Variants in NEDD1 observed in about 807,000 individuals in gnomAD.
NEDD1 encodes the protein protein NEDD1.
A neutral mutation model predicts 74.0 loss-of-function variants in NEDD1; 33 were observed. The ratio of observed to expected loss-of-function variants is 0.45; its 90% confidence interval spans 0.34 to 0.60. The LOEUF (loss-of-function observed/expected upper bound fraction) is 0.60. NEDD1 is among the 20% of genes least tolerant of loss of function. The probability of loss-of-function intolerance (pLI) is 0.01; values close to 1 mark genes in which losing one functional copy is unlikely to be tolerated. For missense variants in NEDD1, 746 were observed against 776.5 expected, an observed-to-expected ratio of 0.96 and a Z score of 0.47; for synonymous variants, 250 against 264.4, an observed-to-expected ratio of 0.95 and a Z score of 0.53.
chr12:96,917,525 A>T, intron 4 of NEDD1, 96 bp from the exon 5 acceptor site: 1 of 1,313,278 alleles, frequency 7.6e-7, no homozygotes. Context: ...AATTTAACCA[A>T]TATTTATCAT....
intron 14 of NEDD1, 43 bp from the exon 15 acceptor site, chr12:96,951,389 T>A: frequency 8.7e-7 from 1 of 1,150,246 alleles, no homozygotes; most frequent in Non-Finnish European, 1.3e-6. Flanking sequence ...CTAGAATTGG[T>A]TAAACTATTG....
At position 96,953,256 on chromosome 12, in the gene NEDD1, G is replaced by A. The variant is rs375876499; in HGVS notation, c.*1203G>A. On this transcript the variant is annotated 3_prime_UTR_variant, in exon 16 of 16. Transcript: ENST00000266742. The stretch of plus-strand genomic sequence containing the variant: ...AAACCTTTAGCTCACTAACTTTATG[G>A]GTTTCTGAAGTGATGGAAATTTTTA... 2.0e-5 allele frequency: 3 copies of A among 150,140 alleles called. No individual in the cohort carries two copies. Among genetic ancestry groups the A allele is most frequent in the East Asian group, 1.9e-4 (1 of 5,164 alleles). The allele number at this position is 150,140 out of a possible 1,614,324, so 9.3% of individuals were successfully genotyped here.
chr12:96,913,522 C>T (rs1179220943), intron 4 of NEDD1, among the ~76,000 whole-genome samples: 9 of 151,998 alleles, frequency 5.9e-5, no homozygotes, highest in African/African-American at 2.2e-4. Context: ...TACAGGTGCC[C>T]ACCACCACGC....
In NEDD1 at chr12:96,907,799, G is replaced by A; in HGVS notation, c.-66G>A. The A allele has an allele frequency of 6.7e-7, 1 of 1,481,860 alleles. No homozygotes were observed. Among genetic ancestry groups the A allele is most frequent in the Non-Finnish European group, 9.0e-7 (1 of 1,115,454 alleles). The allele number at this position is 1,481,860 out of a possible 1,614,324, so 91.8% of individuals were successfully genotyped here. The stretch of plus-strand genomic sequence containing the variant: ...CTGACTGCTAGCTTTCGACGGGACC[G>A]TCTTTGAGGGACTCATGTAAAGTCT... On this transcript the variant is annotated 5_prime_UTR_variant, in exon 2 of 16. Transcript: ENST00000266742.
At chr12:96,939,342 G>A (rs1877436156) in intron 9 of NEDD1, among the ~76,000 whole-genome samples, 1 of 151,886 alleles carries the variant, frequency 6.6e-6, no homozygotes, top group African/African-American at 2.4e-5. Context: ...ACATGTTAAG[G>A]ACCTAGAAAA....
chr12:96,907,706 G>A lies in NEDD1; in HGVS notation c.-159G>A. ...GTTGGAGAACTTTCATTTCAGCTGA[G>A]TGGTGTAGTTGAATTGGTTCCTGTA... On this transcript the variant is annotated 5_prime_UTR_variant, in exon 2 of 16. It adds an upstream start codon to the 5' untranslated region. Coordinates refer to ENST00000266742, the MANE Select transcript of NEDD1 (RefSeq NM_152905.4). 1 of 1,551,066 alleles carries A rather than the reference G, an allele frequency of 6.4e-7. No homozygotes were observed. Among genetic ancestry groups the A allele is most frequent in the East Asian group, 2.4e-5 (1 of 40,916 alleles).
In NEDD1 at chr12:96,939,270, T is replaced by C. The variant is rs112131402; in HGVS notation, c.1118-1139T>C. On this transcript the variant is annotated intron_variant, in intron 9 of 15. Coordinates refer to ENST00000266742, the MANE Select transcript of NEDD1 (RefSeq NM_152905.4). The stretch of plus-strand genomic sequence containing the variant: ...GAAGAAAAGAATAAGACTTTAGCGC[T>C]GTTTTCAAATGATACCAAACTTCTG... Among the ~76,000 whole-genome samples the C allele has an allele frequency of 4.5e-3, 681 of 152,158 alleles. 4 individuals carry two copies. Among genetic ancestry groups the C allele is most frequent in the African/African-American group, 0.016 (653 of 41,564 alleles).
intron 3 of NEDD1, among the ~76,000 whole-genome samples, chr12:96,912,043 ATAGT>A (rs1002802717): frequency 3.5e-4 from 54 of 152,280 alleles, no homozygotes; most frequent in African/African-American, 1.2e-3. Flanking sequence ...TAGTTTTAAA[ATAGT>A]TACTGTTTTG....
chr12:96,907,310 C>T lies in NEDD1; in HGVS notation c.-262+10C>T. ...GTGTTGCTGCGGAGAGGTGAGGTTC[C>T]GGAGGCCCTGAGGTCAGCGGGCCCC... is the stretch of plus-strand genomic sequence containing the variant. On this transcript the variant is annotated intron_variant, in intron 1 of 15. Coordinates refer to ENST00000266742, the MANE Select transcript of NEDD1 (RefSeq NM_152905.4). 1 of 334,358 alleles carries T rather than the reference C, an allele frequency of 3.0e-6. No homozygotes were observed. Among genetic ancestry groups the T allele is most frequent in the Non-Finnish European group, 5.4e-6 (1 of 186,312 alleles). 20.7% of individuals were successfully genotyped at this position (334,358 alleles called of 1,614,324 possible). A position where few individuals can be genotyped will look rare whatever the true frequency, so the allele number is the denominator to read the frequency against.
intron 6 of NEDD1, among the ~76,000 whole-genome samples, chr12:96,929,532 A>G (rs967142953): frequency 2.0e-5 from 3 of 148,628 alleles, no homozygotes; most frequent in Non-Finnish European, 3.0e-5. Flanking sequence ...CTAACTTCAC[A>G]GAGCTCCCTA....
At chr12:96,926,648 T>C (rs1875729963) in intron 6 of NEDD1, among the ~76,000 whole-genome samples, 1 of 152,016 alleles carries the variant, frequency 6.6e-6, no homozygotes, top group Non-Finnish European at 1.5e-5. Flanking sequence ...TTAATGAATG[T>C]TTATTAATTA....
intron 6 of NEDD1, among the ~76,000 whole-genome samples, chr12:96,926,987 ATT>A (rs1875774281): frequency 3.8e-5 from 2 of 52,970 alleles, no homozygotes; most frequent in East Asian, 1.1e-3. Context: ...AAAAAAAAAA[ATT>A]GTGTGTGTGT....
chr12:96,935,036 A>G lies in NEDD1; in HGVS notation c.550A>G (p.Asn184Asp), dbSNP rs774978952. 6.2e-7 allele frequency: 1 copy of G among 1,612,624 alleles called. No individual in the cohort carries two copies. Among genetic ancestry groups the G allele is most frequent in the Admixed American group, 1.7e-5 (1 of 60,026 alleles). The change falls in exon 7 of 16, where the codon AAT (asparagine) becomes GAT (aspartate). Residue 184 changes from asparagine to aspartate, a missense_variant. Transcript: ENST00000266742. ...KKSLLGSVSD[N>D]GIVTLWDVNS... Reference sequence around the variant, plus strand: ...ATCACTACTGGGCAGTGTTTCGGATAATGGAATAGTAACTCTCTGGGATGT... The same window carrying G: ...ATCACTACTGGGCAGTGTTTCGGATGATGGAATAGTAACTCTCTGGGATGT...
chr12:96,939,063 G>C (rs1013901319), intron 9 of NEDD1, among the ~76,000 whole-genome samples: 7 of 151,904 alleles, frequency 4.6e-5, no homozygotes, highest in African/African-American at 1.7e-4. Context: ...AGTACACTAT[G>C]GTGTTGATAC....
intron 14 of NEDD1, among the ~76,000 whole-genome samples, chr12:96,948,402 T>C (rs1316787198): frequency 1.3e-5 from 2 of 152,176 alleles, no homozygotes; most frequent in African/African-American, 4.8e-5. Flanking sequence ...GCTAGTTCTT[T>C]TTACTCTGTC....
At chr12:96,941,726 T>G (rs1485454419) in intron 10 of NEDD1, among the ~76,000 whole-genome samples, 2 of 152,144 alleles carry the variant, frequency 1.3e-5, no homozygotes, top group South Asian at 2.1e-4. Context: ...TTAATAGTTT[T>G]TAAGACAAAT....
At chr12:96,907,532 T>G (rs1873449458) in intron 1 of NEDD1, 72 bp from the exon 2 acceptor site, 3 of 1,295,512 alleles carry the variant, frequency 2.3e-6, no homozygotes, top group Non-Finnish European at 3.3e-6. Context: ...GTGTGCTGCC[T>G]CCGAAAAGTT....
At chr12:96,935,353 T>A in intron 7 of NEDD1, 148 bp downstream of exon 7, 2 of 606,264 alleles carry the variant, frequency 3.3e-6, no homozygotes, top group Non-Finnish European at 5.9e-6. Context: ...AAGAATTTTC[T>A]TCTTATGCAG....
chr12:96,910,013 C>A, intron 3 of NEDD1, 118 bp downstream of exon 3: 1 of 1,050,854 alleles, frequency 9.5e-7, no homozygotes, highest in East Asian at 2.6e-5. Context: ...TTTTGCATTG[C>A]TACCAAGGAT....
Sources: gnomAD v4.1 joint callset for allele counts (sites outside exome capture counted in the v4.1 genomes callset) on GRCh38, gnomAD v4.1.1 for gene constraint, MANE v1.5 for transcripts, NCBI Gene and HGNC (gene_info 2026-07-23, HGNC 2026-07-21) for gene names.